Variants in NR5A2 observed in about 807,000 individuals in gnomAD.
NR5A2 encodes the protein nuclear receptor subfamily 5 group A member 2.
NR5A2 carries 26 observed loss-of-function variants against 62.7 expected under a neutral mutation model. The observed-to-expected ratio is 0.41, with a 90% CI of 0.30 to 0.58. The LOEUF (loss-of-function observed/expected upper bound fraction) is 0.58. Ranked by LOEUF, NR5A2 falls within the 20% of genes least tolerant of loss-of-function variation. The probability of loss-of-function intolerance (pLI) is 0.22; values close to 1 mark genes in which losing one functional copy is unlikely to be tolerated. For synonymous variants in NR5A2, 246 were observed against 241.7 expected (o/e 1.02, Z -0.16); for missense variants, 541 against 669.1 (o/e 0.81, Z 2.11).
intron 5 of NR5A2, among the ~76,000 whole-genome samples, chr1:200,079,833 C>G (rs1664208694): frequency 1.3e-5 from 2 of 151,178 alleles, no homozygotes; most frequent in African/African-American, 2.4e-5. Context: ...CACTTCTGTT[C>G]ATTCATACAT....
In NR5A2 at chr1:200,142,512, T is replaced by TA. The variant is rs1303463320; in HGVS notation, c.1378+21557_1378+21558insA. On this transcript the variant is annotated intron_variant, in intron 7 of 7. Transcript: ENST00000367362. ...CGCCCAGCCTAAAGACTTCTTTTTTTTAAAAAAAAATTATTATTATCATTA... is the reference window on the plus strand; with the variant it reads ...CGCCCAGCCTAAAGACTTCTTTTTTTATAAAAAAAAATTATTATTATCATTA... 3.6e-3 allele frequency among the ~76,000 whole-genome samples: 541 copies of TA among 151,568 alleles called. 2 individuals are homozygous for TA. Among genetic ancestry groups the TA allele is most frequent in the African/African-American group, 0.012 (496 of 41,324 alleles).
At chr1:200,146,544 A>G (rs1282734472) in intron 7 of NR5A2, among the ~76,000 whole-genome samples, 1 of 152,222 alleles carries the variant, frequency 6.6e-6, no homozygotes, top group Non-Finnish European at 1.5e-5. Context: ...TTTGTACAGC[A>G]ACTGAAGACA....
chr1:200,041,729 T>C (rs560529571), intron 2 of NR5A2, among the ~76,000 whole-genome samples: 1 of 152,186 alleles, frequency 6.6e-6, no homozygotes, highest in Non-Finnish European at 1.5e-5. Context: ...TCTGGGAAAC[T>C]CTGAAAGGTG....
chr1:200,073,684 A>AACAC (rs138372828), intron 5 of NR5A2, among the ~76,000 whole-genome samples: 126 of 151,006 alleles, frequency 8.3e-4, no homozygotes, highest in Non-Finnish European at 1.5e-3. Flanking sequence ...GCCCCACTGA[A>AACAC]ACACACACAC....
At chr1:200,144,006 A>G (rs1225178446) in intron 7 of NR5A2, among the ~76,000 whole-genome samples, 2 of 152,040 alleles carry the variant, frequency 1.3e-5, no homozygotes, top group African/African-American at 2.4e-5. Context: ...AGATGTTGAC[A>G]TTGTTTGAGC....
intron 6 of NR5A2, among the ~76,000 whole-genome samples, chr1:200,112,708 A>G (rs1245065526): frequency 6.6e-6 from 1 of 152,180 alleles, no homozygotes; most frequent in Non-Finnish European, 1.5e-5. Context: ...TAAAGTCTCA[A>G]TGGGTTTGAC....
chr1:200,040,277 T>C (rs1036487476), intron 2 of NR5A2, among the ~76,000 whole-genome samples: 1 of 152,156 alleles, frequency 6.6e-6, no homozygotes, highest in Non-Finnish European at 1.5e-5. Context: ...TTAGAATACA[T>C]GTGACCACAC....
At chr1:200,104,846 A>G (rs1169770707) in intron 5 of NR5A2, among the ~76,000 whole-genome samples, 1 of 152,142 alleles carries the variant, frequency 6.6e-6, no homozygotes, top group Non-Finnish European at 1.5e-5. Flanking sequence ...TATTTTTAGT[A>G]GAGATGGAAT....
intron 3 of NR5A2, among the ~76,000 whole-genome samples, chr1:200,044,817 G>C (rs1376393575): frequency 6.6e-6 from 1 of 151,896 alleles, no homozygotes; most frequent in Non-Finnish European, 1.5e-5. Context: ...CATACCCTGT[G>C]TGCTACAATT....
intron 5 of NR5A2, among the ~76,000 whole-genome samples, chr1:200,074,386 G>C (rs1179626214): frequency 6.9e-6 from 1 of 144,612 alleles, no homozygotes; most frequent in African/African-American, 2.6e-5. Context: ...GCAAGACCCT[G>C]TCTTTAATCT....
chr1:200,061,243 T>C (rs750545967), intron 5 of NR5A2, among the ~76,000 whole-genome samples: 6 of 151,546 alleles, frequency 4.0e-5, no homozygotes, highest in Non-Finnish European at 7.4e-5. Flanking sequence ...GAAATGTCAA[T>C]GTCACTCAGA....
At chr1:200,038,108 G>T (rs1661864364) in intron 1 of NR5A2, among the ~76,000 whole-genome samples, 1 of 152,226 alleles carries the variant, frequency 6.6e-6, no homozygotes, top group South Asian at 2.1e-4. Flanking sequence ...TCATCTTGTT[G>T]GGAGGAGATC....
intron 5 of NR5A2, among the ~76,000 whole-genome samples, chr1:200,073,298 TTATATATATATATATATTCCCCTTTA>T (rs1265971581): frequency 0.013 from 1,569 of 116,296 alleles, 132 homozygotes; most frequent in African/African-American, 0.05. Flanking sequence ...ATATTCCCCT[TTATATATATATATATATTCCCCTTTA>T]TATATATATA....
At chr1:200,070,744 C>T (rs1558120194) in intron 5 of NR5A2, among the ~76,000 whole-genome samples, 2 of 148,936 alleles carry the variant, frequency 1.3e-5, no homozygotes, top group Admixed American at 6.7e-5. Context: ...CTGTTCCAAC[C>T]CCCCAGCCCC....
chr1:200,038,683 C>T, intron 1 of NR5A2: 1 of 1,366,060 alleles, frequency 7.3e-7, no homozygotes, highest in Non-Finnish European at 9.8e-7. Flanking sequence ...CCCATCCCTT[C>T]TTCTTGCTTC....
intron 5 of NR5A2, among the ~76,000 whole-genome samples, chr1:200,071,382 G>A (rs1260227181): frequency 6.6e-6 from 1 of 152,148 alleles, no homozygotes; most frequent in Admixed American, 6.5e-5. Context: ...AATGGTTTCT[G>A]AGCTAAGAGG....
chr1:200,171,847 A>G (rs1318105698), intron 7 of NR5A2, among the ~76,000 whole-genome samples: 1 of 152,212 alleles, frequency 6.6e-6, no homozygotes, highest in East Asian at 1.9e-4. Context: ...CTTATGATCT[A>G]GCCTTTGTTT....
intron 6 of NR5A2, among the ~76,000 whole-genome samples, chr1:200,113,676 G>A (rs1187866055): frequency 6.6e-6 from 1 of 152,080 alleles, no homozygotes; most frequent in Non-Finnish European, 1.5e-5. Flanking sequence ...ATCTCTCCTG[G>A]TTGCTTGATT....
In NR5A2 at chr1:200,147,584, G is replaced by A. The variant is rs1667766276; in HGVS notation, c.1379-26379G>A. On this transcript the variant is annotated intron_variant, in intron 7 of 7. Transcript: ENST00000367362. The surrounding 1 kb of genome is among the most constrained non-coding windows in gnomAD (Gnocchi z 4.9). ...GTGCTTAAAGCGATCTCCTCTACAC[G>A]AACGCTAGGGCAGAGCACATTTTCG... 5.6e-6 allele frequency: 4 copies of A among 713,322 alleles called. No homozygotes were observed. Among genetic ancestry groups the A allele is most frequent in the Non-Finnish European group, 1.0e-5 (4 of 384,068 alleles). 44.2% of individuals were successfully genotyped at this position (713,322 alleles called of 1,614,324 possible).
Sources: allele counts gnomAD v4.1 joint callset (sites outside exome capture counted in the v4.1 genomes callset), GRCh38; gene constraint gnomAD v4.1.1; non-coding constraint Gnocchi (gnomAD v3.1); transcripts MANE v1.5; gene names NCBI Gene and HGNC (gene_info 2026-07-23, HGNC 2026-07-21).